The following RTN4IP1 variants were observed in gnomAD, a reference collection of about 807,000 sequenced individuals.
The protein encoded by RTN4IP1 is reticulon 4 interacting protein 1.
In RTN4IP1, 32 loss-of-function variants were observed where a neutral mutation model predicts 46.6. The observed-to-expected ratio is 0.69, with a 90% confidence interval of 0.52 to 0.92. RTN4IP1 has a LOEUF of 0.92. Among genes scored for constraint, RTN4IP1 ranks in the 40% least tolerant of loss-of-function variants. The pLI is 0.00. For synonymous variants in RTN4IP1, 167 were observed against 161.8 expected (o/e 1.03, Z -0.24); for missense variants, 424 against 485.8 (o/e 0.87, Z 1.20).
At position 106,628,792 on chromosome 6, in the gene RTN4IP1, T is replaced by A. The variant is rs770685237; in HGVS notation, c.230A>T (p.Lys77Ile). Residue 77 changes from lysine to isoleucine, a missense_variant, in exon 1 of 9, where the codon AAA becomes ATA. Lys to Ile is a moderately radical substitution (Grantham distance 102). Transcript: ENST00000369063. Reference sequence around the variant, plus strand: ...AGGATTTACACTGGCAGCGTGAACTTTGACAATGACTTCATTTGGATAGTG... The same window carrying A: ...AGGATTTACACTGGCAGCGTGAACTATGACAATGACTTCATTTGGATAGTG... The part of the protein sequence containing the change: ...IIHYPNEVIV[K>I]VHAASVNPID... The A allele has an allele frequency of 1.9e-6, 3 of 1,614,078 alleles. No homozygotes were observed. The highest frequency in any genetic ancestry group is 2.5e-6 in the Non-Finnish European group (3 of 1,179,930).
chr6:106,626,992 T>C (rs1184912612), intron 1 of RTN4IP1, among the ~76,000 whole-genome samples: 2 of 152,192 alleles, frequency 1.3e-5, no homozygotes, highest in Non-Finnish European at 2.9e-5. Context: ...GCCTTCATCT[T>C]TCAAATAAAA....
intron 5 of RTN4IP1, among the ~76,000 whole-genome samples, chr6:106,599,841 T>C (rs1357543182): frequency 1.3e-5 from 2 of 151,994 alleles, no homozygotes; most frequent in African/African-American, 4.8e-5. Flanking sequence ...CTGTCCTTTT[T>C]TTTTTTTTTA....
intron 2 of RTN4IP1, among the ~76,000 whole-genome samples, chr6:106,622,258 T>C (rs1017424921): frequency 6.6e-6 from 1 of 152,202 alleles, no homozygotes; most frequent in African/African-American, 2.4e-5. Context: ...TGAAACAGAA[T>C]GAAATTTGCA....
chr6:106,578,074 C>T (rs977292718), intron 8 of RTN4IP1, among the ~76,000 whole-genome samples: 5 of 152,162 alleles, frequency 3.3e-5, no homozygotes, highest in Non-Finnish European at 7.3e-5. Context: ...GTTACACAGT[C>T]CTTCTTAGCA....
At chr6:106,584,324 C>A (rs1171284005) in intron 7 of RTN4IP1, among the ~76,000 whole-genome samples, 2 of 152,130 alleles carry the variant, frequency 1.3e-5, no homozygotes, top group Non-Finnish European at 2.9e-5. Flanking sequence ...ACCTCAATGA[C>A]CTGCCCAACC....
intron 4 of RTN4IP1, among the ~76,000 whole-genome samples, chr6:106,615,879 G>A (rs1053782982): frequency 2.0e-5 from 3 of 152,044 alleles, no homozygotes; most frequent in Non-Finnish European, 1.5e-5. Context: ...AACTATAGAT[G>A]GGCTGATAAA....
chr6:106,597,442 T>A (rs1775824969), intron 5 of RTN4IP1, among the ~76,000 whole-genome samples: 1 of 152,162 alleles, frequency 6.6e-6, no homozygotes, highest in African/African-American at 2.4e-5. Flanking sequence ...CCTCCTGGGC[T>A]CAAGTGATCC....
chr6:106,611,814 G>T (rs934998507), intron 4 of RTN4IP1, among the ~76,000 whole-genome samples: 1 of 152,150 alleles, frequency 6.6e-6, no homozygotes, highest in Non-Finnish European at 1.5e-5. Flanking sequence ...GTTTGTGTGT[G>T]AATTAAATGT....
chr6:106,604,057 T>C (rs1776004224), intron 4 of RTN4IP1, among the ~76,000 whole-genome samples: 1 of 152,200 alleles, frequency 6.6e-6, no homozygotes, highest in Non-Finnish European at 1.5e-5. Flanking sequence ...TAACTGCTAG[T>C]GTGGGTCCCT....
At chr6:106,587,589 C>T in intron 7 of RTN4IP1, 90 bp downstream of exon 7, 1 of 1,247,102 alleles carries the variant, frequency 8.0e-7, no homozygotes, top group Non-Finnish European at 1.1e-6. Flanking sequence ...GCTATGCGGC[C>T]TCCAAGAGAA....
rs1452922916 is a variant in RTN4IP1, at chr6:106,592,272, G to A, written c.698C>T (p.Thr233Ile). The A allele has an allele frequency of 1.9e-6, 3 of 1,613,952 alleles. No individual in the cohort carries two copies. Among genetic ancestry groups the A allele is most frequent in the Admixed American group, 3.3e-5 (2 of 59,994 alleles). The change falls in exon 6 of 9, where the codon ACA becomes ATA. Residue 233 changes from threonine to isoleucine, a missense_variant. Thr to Ile is a moderately conservative substitution (Grantham distance 89, BLOSUM62 -1). Transcript: ENST00000369063. ...ACTGGCATCTTGGGAGCAAACTGCTGTCACATGAGCATCCCATGCTTTCAT... is the reference window on the plus strand; with the variant it reads ...ACTGGCATCTTGGGAGCAAACTGCTATCACATGAGCATCCCATGCTTTCAT... ...QVMKAWDAHV[T>I]AVCSQDASEL...
chr6:106,573,061 T>G (rs2114614277), intron 8 of RTN4IP1, among the ~76,000 whole-genome samples: 1 of 152,360 alleles, frequency 6.6e-6, no homozygotes, highest in East Asian at 1.9e-4. Context: ...TGCAGCCGGT[T>G]ACAATTTACA....
chr6:106,580,141 G>A (rs1440957834), intron 8 of RTN4IP1, among the ~76,000 whole-genome samples: 1 of 150,708 alleles, frequency 6.6e-6, no homozygotes, highest in Non-Finnish European at 1.5e-5. Flanking sequence ...GTGAACCCGG[G>A]AGGCGGAGCT....
At chr6:106,583,255 C>G (rs1395510388) in intron 8 of RTN4IP1, 73 bp downstream of exon 8, 2 of 1,208,870 alleles carry the variant, frequency 1.7e-6, no homozygotes, top group Non-Finnish European at 2.4e-6. Flanking sequence ...ACTAACGAGG[C>G]TCAGTGGGCA....
At chr6:106,589,571 C>G (rs953995311) in intron 6 of RTN4IP1, among the ~76,000 whole-genome samples, 6 of 151,998 alleles carry the variant, frequency 3.9e-5, no homozygotes, top group African/African-American at 1.4e-4. Context: ...CCAGCTCTCC[C>G]AACAAATGAC....
intron 4 of RTN4IP1, among the ~76,000 whole-genome samples, chr6:106,605,162 G>A (rs550919196): frequency 4.6e-5 from 7 of 152,336 alleles, no homozygotes; most frequent in Non-Finnish European, 8.8e-5. Context: ...CAGGCCAAGC[G>A]CGGTAGCTCA....
chr6:106,603,438 G>C (rs1442854899), intron 4 of RTN4IP1, among the ~76,000 whole-genome samples: 1 of 152,180 alleles, frequency 6.6e-6, no homozygotes, highest in Non-Finnish European at 1.5e-5. Flanking sequence ...TGTTAAAGCA[G>C]AGGAATCTGT....
In RTN4IP1 at chr6:106,599,722, G is replaced by A. The variant is rs369455620; in HGVS notation, c.669+3152C>T. On this transcript the variant is annotated intron_variant, in intron 5 of 8. Coordinates refer to ENST00000369063, the MANE Select transcript of RTN4IP1 (RefSeq NM_032730.5). ...ATGGACATTTGGGTTTTTCTAGTTG[G>A]GGAATTTTAACAGGAATAGCCCTGC... is the stretch of plus-strand genomic sequence containing the variant. Among the ~76,000 whole-genome samples the A allele has an allele frequency of 3.9e-5, 6 of 151,926 alleles. No individual in the cohort carries two copies. In the East Asian group the frequency reaches 9.7e-4, roughly 24 times the overall value.
At chr6:106,603,445 C>T (rs1211018165) in intron 4 of RTN4IP1, among the ~76,000 whole-genome samples, 2 of 152,184 alleles carry the variant, frequency 1.3e-5, no homozygotes, top group Non-Finnish European at 2.9e-5. Flanking sequence ...GCAGAGGAAT[C>T]TGTCAAACCA....
Sources: gnomAD v4.1 joint callset for allele counts (sites outside exome capture counted in the v4.1 genomes callset) on GRCh38, gnomAD v4.1.1 for gene constraint, MANE v1.5 for transcripts, NCBI Gene and HGNC (gene_info 2026-07-23, HGNC 2026-07-21) for gene names.